CACNA1D: variants seen among roughly 807,000 people sequenced by gnomAD.
CACNA1D encodes calcium voltage-gated channel subunit alpha1 D.
A neutral mutation model predicts 257.1 loss-of-function variants in CACNA1D; 55 were observed. The observed-to-expected ratio is 0.21, with a 90% CI of 0.17 to 0.27. The LOEUF (loss-of-function observed/expected upper bound fraction) is 0.27, where lower values mean the gene tolerates loss of function less well. CACNA1D is among the 10% of genes least tolerant of loss of function. The pLI is 1.00. For synonymous variants in CACNA1D, 980 were observed against 1,014.9 expected (o/e 0.97, Z 0.65); for missense variants, 1,876 against 2,784.0 (o/e 0.67, Z 7.34).
intron 5 of CACNA1D, among the ~76,000 whole-genome samples, chr3:53,662,061 G>A (rs182237966): frequency 3.5e-4 from 54 of 152,264 alleles, no homozygotes; most frequent in Admixed American, 3.1e-3. Flanking sequence ...GTTGGCAGCC[G>A]TGGCCTGCTG....
intron 29 of CACNA1D, 152 bp downstream of exon 29, chr3:53,753,834 T>C (rs2095245164): frequency 1.5e-5 from 10 of 679,426 alleles, no homozygotes; most frequent in Admixed American, 1.3e-4. Flanking sequence ...GATTAGAGCA[T>C]GTGTGTATAT....
intron 36 of CACNA1D, 27 bp from the exon 37 acceptor site, chr3:53,776,833 G>T: frequency 6.2e-7 from 1 of 1,613,114 alleles, no homozygotes; most frequent in South Asian, 1.1e-5. Flanking sequence ...TACTGTTCCT[G>T]GACCTTAGAT....
chr3:53,618,701 C>A (rs1470590020), intron 3 of CACNA1D, among the ~76,000 whole-genome samples: 1 of 152,220 alleles, frequency 6.6e-6, no homozygotes, highest in Non-Finnish European at 1.5e-5. Context: ...TAAGGAATCT[C>A]TGCTCGTTGG....
intron 3 of CACNA1D, among the ~76,000 whole-genome samples, chr3:53,628,726 A>G (rs7620743): frequency 0.13 from 19,147 of 152,182 alleles, 4,080 homozygotes; most frequent in African/African-American, 0.43. Context: ...TGTGTTTTCG[A>G]AAGCCTCAGC....
chr3:53,545,587 A>G (rs1398277194), intron 3 of CACNA1D, among the ~76,000 whole-genome samples: 1 of 152,222 alleles, frequency 6.6e-6, no homozygotes, highest in African/African-American at 2.4e-5. Flanking sequence ...CAGCTTGAAA[A>G]GGTCATGGTG....
intron 3 of CACNA1D, among the ~76,000 whole-genome samples, chr3:53,585,858 G>C (rs938713532): frequency 3.3e-5 from 5 of 152,156 alleles, no homozygotes; most frequent in Admixed American, 2.6e-4. Context: ...TTGGTCCACA[G>C]GGGAGGAAAC....
At chr3:53,710,539 A>G (rs984987082) in intron 9 of CACNA1D, 1 of 454,438 alleles carries the variant, frequency 2.2e-6, no homozygotes, top group Non-Finnish European at 4.4e-6. Flanking sequence ...TTCCTTGCAC[A>G]TAGGCATTGT....
chr3:53,600,833 T>C (rs1311213384), intron 3 of CACNA1D, among the ~76,000 whole-genome samples: 1 of 152,172 alleles, frequency 6.6e-6, no homozygotes, highest in Non-Finnish European at 1.5e-5. Context: ...CTTTGTTAGA[T>C]AGCTTTAACC....
rs996715834 is a variant in CACNA1D at position 53,813,250 on chromosome 3, T to G, written c.*1844T>G. 4.0e-5 allele frequency: 6 copies of G among 151,230 alleles called. No individual in the cohort carries two copies. Among genetic ancestry groups the G allele is most frequent in the African/African-American group, 1.2e-4 (5 of 41,164 alleles). 9.4% of individuals were successfully genotyped at this position (151,230 alleles called of 1,614,324 possible). On this transcript the variant is annotated 3_prime_UTR_variant, in exon 48 of 48. Transcript: ENST00000350061. ...GCAAAAACACTTCAAGGTTTGTAAA[T>G]GACTCTTTCCTGACATAAATCCTTT... is the stretch of plus-strand genomic sequence containing the variant.
At chr3:53,651,715 C>G (rs971786313) in intron 4 of CACNA1D, among the ~76,000 whole-genome samples, 8 of 152,062 alleles carry the variant, frequency 5.3e-5, no homozygotes, top group Non-Finnish European at 1.0e-4. Flanking sequence ...ATCCTTTTTC[C>G]CAGTCTTAGT....
intron 23 of CACNA1D, among the ~76,000 whole-genome samples, chr3:53,745,292 G>A (rs1414385578): frequency 6.6e-6 from 1 of 151,498 alleles, no homozygotes; most frequent in Admixed American, 6.6e-5. Context: ...CCAGGCTAGA[G>A]TGCAGTGGTG....
chr3:53,552,596 G>A (rs1325872657), intron 3 of CACNA1D, among the ~76,000 whole-genome samples: 1 of 152,144 alleles, frequency 6.6e-6, no homozygotes, highest in Non-Finnish European at 1.5e-5. Flanking sequence ...GGCCAGGCTG[G>A]TCTCAAACTC....
chr3:53,743,359 A>G (rs993719630), intron 22 of CACNA1D, among the ~76,000 whole-genome samples: 1 of 152,184 alleles, frequency 6.6e-6, no homozygotes, highest in Non-Finnish European at 1.5e-5. Context: ...TTTGCTTTCA[A>G]CTGAGGTGAA....
intron 3 of CACNA1D, among the ~76,000 whole-genome samples, chr3:53,566,492 C>T (rs924819226): frequency 2.0e-5 from 3 of 152,192 alleles, no homozygotes; most frequent in Non-Finnish European, 4.4e-5. Context: ...TCTGCCAGCC[C>T]TCCCTGAGTT....
chr3:53,786,723 C>G (rs2095455064), intron 39 of CACNA1D, 99 bp from the exon 40 acceptor site: 2 of 579,306 alleles, frequency 3.5e-6, no homozygotes, highest in Non-Finnish European at 6.5e-6. Context: ...GCCCACCCGC[C>G]CCACTCTGCC....
At chr3:53,538,506 G>T (rs1414895560) in intron 3 of CACNA1D, among the ~76,000 whole-genome samples, 1 of 152,040 alleles carries the variant, frequency 6.6e-6, no homozygotes, top group Non-Finnish European at 1.5e-5. Flanking sequence ...ACAGTGACTG[G>T]TTTGTTTTTT....
At chr3:53,659,339 C>G (rs2094180679) in intron 4 of CACNA1D, among the ~76,000 whole-genome samples, 1 of 152,150 alleles carries the variant, frequency 6.6e-6, no homozygotes, top group Admixed American at 6.5e-5. Flanking sequence ...CTGCCTTTAG[C>G]CTTTGCACAG....
At chr3:53,661,340 A>AT (rs1177406024) in intron 5 of CACNA1D, among the ~76,000 whole-genome samples, 1 of 151,876 alleles carries the variant, frequency 6.6e-6, no homozygotes, top group African/African-American at 2.4e-5. Flanking sequence ...TGGAAAAAAA[A>AT]ATTTCCAAAT....
At chr3:53,553,343 C>T (rs755975397) in intron 3 of CACNA1D, among the ~76,000 whole-genome samples, 10 of 152,116 alleles carry the variant, frequency 6.6e-5, no homozygotes, top group Admixed American at 3.9e-4. Flanking sequence ...TGCCGCTGCC[C>T]GTCTGTCTGC....
Sources: gnomAD v4.1 joint callset for allele counts (sites outside exome capture counted in the v4.1 genomes callset) on GRCh38, gnomAD v4.1.1 for gene constraint, MANE v1.5 for transcripts, NCBI Gene and HGNC (gene_info 2026-07-23, HGNC 2026-07-21) for gene names.